Variants in IGF2BP3 observed in about 807,000 individuals in gnomAD.
IGF2BP3 encodes the protein insulin-like growth factor 2 mRNA-binding protein 3.
A neutral mutation model predicts 73.8 loss-of-function variants in IGF2BP3; 9 were observed. That is an observed-to-expected ratio of 0.12 (90% CI 0.07 to 0.21). The LOEUF (loss-of-function observed/expected upper bound fraction) is 0.21, where lower values mean the gene tolerates loss of function less well. Among genes scored for constraint, IGF2BP3 ranks in the 10% least tolerant of loss-of-function variants. The probability of loss-of-function intolerance (pLI) is 1.00; values close to 1 mark genes in which losing one functional copy is unlikely to be tolerated. For missense variants in IGF2BP3, 542 were observed against 714.0 expected (o/e 0.76, Z 2.75); for synonymous variants, 258 against 256.7 (o/e 1.01, Z -0.05).
In IGF2BP3 at chr7:23,401,545, A is replaced by AAGG. The variant is rs1786664453; in HGVS notation, c.285+17230_285+17231insCCT. Among the ~76,000 whole-genome samples, 3 of 152,102 alleles carry AAGG rather than the reference A, an allele frequency of 2.0e-5. No homozygotes were observed. In the South Asian group the frequency reaches 6.2e-4, roughly 32 times the overall value. The stretch of plus-strand genomic sequence containing the variant: ...TTCAGGAGGCCAAGGCAGGTGGATC[A>AAGG]CCTGAGGTCAGGAGTTCGAGACCAG... On this transcript the variant is annotated intron_variant, in intron 3 of 14. Transcript: ENST00000258729.
intron 3 of IGF2BP3, among the ~76,000 whole-genome samples, chr7:23,379,731 C>G (rs1004268159): frequency 6.6e-6 from 1 of 152,166 alleles, no homozygotes; most frequent in Admixed American, 6.5e-5. Flanking sequence ...CAAACTGCTC[C>G]TCCCCATGTG....
At chr7:23,424,235 A>C (rs1374077955) in intron 2 of IGF2BP3, among the ~76,000 whole-genome samples, 1 of 152,136 alleles carries the variant, frequency 6.6e-6, no homozygotes, top group Non-Finnish European at 1.5e-5. Flanking sequence ...GCAGTGGCTC[A>C]AGCCTGTAAT....
chr7:23,461,972 T>C (rs779516591), intron 2 of IGF2BP3, among the ~76,000 whole-genome samples: 21 of 152,190 alleles, frequency 1.4e-4, no homozygotes, highest in Non-Finnish European at 1.9e-4. Flanking sequence ...GCAGCTTCCA[T>C]TTTCACTTAG....
chr7:23,392,067 C>T (rs911017306), intron 3 of IGF2BP3, among the ~76,000 whole-genome samples: 3 of 152,054 alleles, frequency 2.0e-5, no homozygotes, highest in African/African-American at 7.3e-5. Flanking sequence ...TGGTGTCACC[C>T]GCTACACACC....
At chr7:23,320,077 A>AT (rs554430509) in intron 10 of IGF2BP3, among the ~76,000 whole-genome samples, 3,188 of 142,492 alleles carry the variant, frequency 0.022, 108 homozygotes, top group East Asian at 0.17. Context: ...CACCCGGCTA[A>AT]TTTTTTTTTT....
At chr7:23,343,589 G>C in intron 9 of IGF2BP3, 129 bp downstream of exon 9, 1 of 836,440 alleles carries the variant, frequency 1.2e-6, no homozygotes, top group Non-Finnish European at 1.9e-6. Context: ...GGTACTTGCT[G>C]AGGTGCTAAA....
chr7:23,349,809 A>G (rs1784916321), intron 6 of IGF2BP3, among the ~76,000 whole-genome samples: 1 of 152,224 alleles, frequency 6.6e-6, no homozygotes, highest in Non-Finnish European at 1.5e-5. Context: ...TTCATCTGAC[A>G]GGGAAATGAG....
At chr7:23,372,343 G>A (rs1249743335) in intron 3 of IGF2BP3, among the ~76,000 whole-genome samples, 1 of 152,168 alleles carries the variant, frequency 6.6e-6, no homozygotes, top group East Asian at 1.9e-4. Context: ...AAAGTGCTGG[G>A]ATTACAGGTG....
chr7:23,398,360 C>G (rs1786546775), intron 3 of IGF2BP3, among the ~76,000 whole-genome samples: 1 of 152,124 alleles, frequency 6.6e-6, no homozygotes, highest in Non-Finnish European at 1.5e-5. Context: ...GTTAATAGTG[C>G]CACAATAAAC....
chr7:23,331,406 T>C (rs901949271), intron 10 of IGF2BP3, among the ~76,000 whole-genome samples: 2 of 152,298 alleles, frequency 1.3e-5, no homozygotes, highest in East Asian at 1.9e-4. Context: ...CCTTCAGATA[T>C]AGCTAAATAA....
chr7:23,345,906 A>G, intron 8 of IGF2BP3, 34 bp downstream of exon 8: 1 of 1,604,480 alleles, frequency 6.2e-7, no homozygotes, highest in Non-Finnish European at 8.5e-7. Context: ...CAGTGTTGGA[A>G]AGTTTTCTTA....
intron 8 of IGF2BP3, among the ~76,000 whole-genome samples, chr7:23,345,144 C>T (rs1784799585): frequency 6.6e-6 from 1 of 152,188 alleles, no homozygotes; most frequent in South Asian, 2.1e-4. Flanking sequence ...ACCACTCTTC[C>T]TCAGTTCATC....
chr7:23,435,028 G>C (rs1584041341), intron 2 of IGF2BP3, among the ~76,000 whole-genome samples: 1 of 152,028 alleles, frequency 6.6e-6, no homozygotes, highest in African/African-American at 2.4e-5. Flanking sequence ...AGGCGTGGTG[G>C]CTCCTGCCTG....
rs190077350 is a variant in IGF2BP3 at position 23,347,864 on chromosome 7, T to A, written c.684-130A>T. On this transcript the variant is annotated intron_variant, in intron 6 of 14. Transcript: ENST00000258729. The stretch of plus-strand genomic sequence containing the variant: ...AGATGACTCACTTCCCTCAAGAGCA[T>A]AAACTTTCAATAAGCTGTCAACATT... 4.2e-5 allele frequency: 43 copies of A among 1,013,210 alleles called. 1 individual carries two copies. The East Asian group carries it at 5.7e-4, about 14-fold the overall frequency. 62.8% of individuals were successfully genotyped at this position (1,013,210 alleles called of 1,614,324 possible). A position where few individuals can be genotyped will look rare whatever the true frequency, so the allele number is the denominator to read the frequency against.
At chr7:23,364,856 T>C (rs1785329054) in intron 3 of IGF2BP3, among the ~76,000 whole-genome samples, 2 of 151,534 alleles carry the variant, frequency 1.3e-5, no homozygotes, top group Admixed American at 1.3e-4. Context: ...GTTGACAGTT[T>C]AATATGTTAT....
At chr7:23,400,195 T>G (rs1269042878) in intron 3 of IGF2BP3, among the ~76,000 whole-genome samples, 1 of 152,242 alleles carries the variant, frequency 6.6e-6, no homozygotes. Flanking sequence ...TCCAAAGTAT[T>G]ATATTACTTT....
chr7:23,312,310 A>G lies in IGF2BP3; in HGVS notation c.*52T>C, dbSNP rs1783854172. The G allele has an allele frequency of 7.7e-7, 1 of 1,298,258 alleles. No individual in the cohort carries two copies. The allele number at this position is 1,298,258 out of a possible 1,614,324, so 80.4% of individuals were successfully genotyped here. A position where few individuals can be genotyped will look rare whatever the true frequency, so the allele number is the denominator to read the frequency against. ...GTCAGCGCCCATCTGTTGGTTAAGC[A>G]ATCTGTCTTTGGTTTGGCATCTGCC... On this transcript the variant is annotated 3_prime_UTR_variant, in exon 15 of 15. Transcript: ENST00000258729.
intron 3 of IGF2BP3, among the ~76,000 whole-genome samples, chr7:23,367,895 G>A (rs1583944624): frequency 6.6e-6 from 1 of 152,208 alleles, no homozygotes; most frequent in East Asian, 1.9e-4. Flanking sequence ...CAGCTACTCG[G>A]GAGGCTGAGG....
chr7:23,335,845 C>G (rs1439669477), intron 10 of IGF2BP3, among the ~76,000 whole-genome samples: 1 of 152,216 alleles, frequency 6.6e-6, no homozygotes, highest in African/African-American at 2.4e-5. Flanking sequence ...ATTCCTTCTT[C>G]CCTACTGTTT....
Sources: gnomAD v4.1 joint callset for allele counts (sites outside exome capture counted in the v4.1 genomes callset) on GRCh38, gnomAD v4.1.1 for gene constraint, MANE v1.5 for transcripts, NCBI Gene and HGNC (gene_info 2026-07-23, HGNC 2026-07-21) for gene names.